KAT14: variants seen among roughly 807,000 people sequenced by gnomAD.
KAT14 encodes cysteine-rich protein 2-binding protein.
Under a neutral mutation model 78.4 loss-of-function variants are expected in KAT14, and 66 were observed. The ratio of observed to expected loss-of-function variants is 0.84; its 90% CI spans 0.69 to 1.03. KAT14 has a LOEUF of 1.03. KAT14 is among the 50% of genes least tolerant of loss of function. The pLI is 0.00. For missense variants in KAT14, 870 were observed against 972.5 expected (o/e 0.89, Z 1.40); for synonymous variants, 344 against 359.4 (o/e 0.96, Z 0.48).
At chr20:18,151,025 C>T in intron 4 of KAT14, 83 bp downstream of exon 4, 1 of 1,521,878 alleles carries the variant, frequency 6.6e-7, no homozygotes, top group South Asian at 1.2e-5. Context: ...CTAATGTAGA[C>T]TTGTTAGAGA....
At chr20:18,159,861 A>G (rs1449822474) in intron 5 of KAT14, among the ~76,000 whole-genome samples, 1 of 152,210 alleles carries the variant, frequency 6.6e-6, no homozygotes, top group Non-Finnish European at 1.5e-5. Context: ...ATCTGGTTTT[A>G]TAATCTAAAA....
chr20:18,145,240 G>A lies in KAT14; in HGVS notation c.267G>A (p.Leu89=). ...KCQKWIPASQ[L]REQLSYLKGD... ...TTTTTGTTTTTCTCCTAGGTCAGCT[G>A]AGGGAACAGCTCAGTTACCTTAAGG... Residue 89 remains leucine (L), a synonymous_variant, in exon 3 of 11, where the codon CTG becomes CTA. Coordinates refer to ENST00000688188, the MANE Select transcript of KAT14 (RefSeq NM_001392073.1). 6.2e-7 allele frequency: 1 copy of A among 1,614,016 alleles called. No individual in the cohort carries two copies. The highest frequency in any genetic ancestry group is 8.5e-7 in the Non-Finnish European group (1 of 1,179,980).
intron 4 of KAT14, among the ~76,000 whole-genome samples, chr20:18,158,413 T>C (rs190818579): frequency 1.3e-5 from 2 of 152,366 alleles, no homozygotes; most frequent in East Asian, 3.9e-4. Flanking sequence ...TTCCGGGGAT[T>C]GATGTATCTT....
intron 10 of KAT14, among the ~76,000 whole-genome samples, chr20:18,186,441 T>C (rs2039456586): frequency 6.6e-6 from 1 of 152,154 alleles, no homozygotes; most frequent in Non-Finnish European, 1.5e-5. Context: ...TGGATACACA[T>C]GGAAGTTAAG....
At position 18,183,310 on chromosome 20, in the gene KAT14, CT is replaced by C; in HGVS notation, c.1981+13del. On this transcript the variant is annotated intron_variant, in intron 9 of 10. Transcript: ENST00000688188. ...GTTTTTTTGGCCTGGTATGTTCCCC[CT>C]CCCAAACCAGGCAGGTCATTTTTCT... The C allele has an allele frequency of 5.6e-6, 9 of 1,608,554 alleles. No homozygotes were observed. Among genetic ancestry groups the C allele is most frequent in the Non-Finnish European group, 7.7e-6 (9 of 1,176,266 alleles).
upstream of KAT14, among the ~76,000 whole-genome samples, chr20:18,137,172 G>T (rs2037334945): frequency 6.6e-6 from 1 of 152,092 alleles, no homozygotes; most frequent in Non-Finnish European, 1.5e-5. Flanking sequence ...GGTGGCTCAC[G>T]CCTGTAATCC....
At chr20:18,172,978 G>T (rs1302160541) in intron 7 of KAT14, among the ~76,000 whole-genome samples, 2 of 152,164 alleles carry the variant, frequency 1.3e-5, no homozygotes, top group East Asian at 3.9e-4. Context: ...TCTCCGGTCA[G>T]CTGGGACAGG....
chr20:18,156,559 AC>A (rs1208427346), intron 4 of KAT14, among the ~76,000 whole-genome samples: 3 of 152,190 alleles, frequency 2.0e-5, no homozygotes, highest in Non-Finnish European at 4.4e-5. Flanking sequence ...TGATGCTGTA[AC>A]ACAAACTGGA....
chr20:18,161,674 C>T (rs540924280), intron 5 of KAT14, 149 bp from the exon 6 acceptor site: 39 of 1,144,330 alleles, frequency 3.4e-5, no homozygotes, highest in East Asian at 2.6e-4. Flanking sequence ...TGCAGCATTT[C>T]GGATTTTGTA....
intron 7 of KAT14, among the ~76,000 whole-genome samples, chr20:18,178,455 T>C (rs1443630048): frequency 6.6e-6 from 1 of 151,942 alleles, no homozygotes; most frequent in Non-Finnish European, 1.5e-5. Flanking sequence ...GAAAAAGAGG[T>C]TTAATTGGAC....
chr20:18,146,061 G>T (rs564583134), intron 3 of KAT14, among the ~76,000 whole-genome samples: 1 of 152,144 alleles, frequency 6.6e-6, no homozygotes, highest in Non-Finnish European at 1.5e-5. Flanking sequence ...ATTTTTGTTT[G>T]CTGAAATACT....
In KAT14 at chr20:18,187,286, A is replaced by G. The variant is rs769486744; in HGVS notation, c.2173A>G (p.Thr725Ala). 6.3e-7 allele frequency: 1 copy of G among 1,598,978 alleles called. No individual in the cohort carries two copies. Among genetic ancestry groups the G allele is most frequent in the Non-Finnish European group, 8.5e-7 (1 of 1,176,024 alleles). ...ATFMIYHLIQ[T>A]CMGKDVTLHV... ...TTGTATTTTTCCACTCTTTTGGCAGACCTGCATGGGCAAGGACGTAACCCT... is the reference window on the plus strand; with the variant it reads ...TTGTATTTTTCCACTCTTTTGGCAGGCCTGCATGGGCAAGGACGTAACCCT... Residue 725 changes from threonine (T) to alanine (A), a missense_variant and splice_region_variant, in exon 11 of 11, where the codon ACC (threonine) becomes GCC (alanine). Coordinates refer to ENST00000688188, the MANE Select transcript of KAT14 (RefSeq NM_001392073.1).
chr20:18,138,050 A>C lies in KAT14; in HGVS notation c.-455A>C, dbSNP rs1257417286. 4.1e-6 allele frequency: 6 copies of C among 1,481,270 alleles called. No homozygotes were observed. The highest frequency in any genetic ancestry group is 1.5e-5 in the African/African-American group (1 of 68,256). The allele number at this position is 1,481,270 out of a possible 1,614,324, so 91.8% of individuals were successfully genotyped here. The stretch of plus-strand genomic sequence containing the variant: ...CATGTGAAGCAGCAGTGGGACCAGC[A>C]GGTCGGTGTCACGTGACCGTCTCTT... On this transcript the variant is annotated splice_region_variant and 5_prime_UTR_variant, in exon 1 of 11. Coordinates refer to ENST00000688188, the MANE Select transcript of KAT14 (RefSeq NM_001392073.1).
chr20:18,147,159 A>G (rs939410138), intron 3 of KAT14, among the ~76,000 whole-genome samples: 9 of 152,232 alleles, frequency 5.9e-5, no homozygotes, highest in African/African-American at 1.9e-4. Context: ...GCCTTCGTCT[A>G]TTATCTTAAT....
At chr20:18,146,259 C>G (rs2037821301) in intron 3 of KAT14, among the ~76,000 whole-genome samples, 1 of 152,148 alleles carries the variant, frequency 6.6e-6, no homozygotes, top group South Asian at 2.1e-4. Context: ...CCAGATGAAA[C>G]CAGACATGGT....
Position 18,183,288 on chromosome 20 carries a change from T to C in KAT14, c.1971T>C (p.Phe657=). The C allele has an allele frequency of 6.2e-7, 1 of 1,613,604 alleles. No homozygotes were observed. The highest frequency in any genetic ancestry group is 8.5e-7 in the Non-Finnish European group (1 of 1,179,722). ...CGATCAACTCCATGTGTCAGGAGTTTTTTTGGCCTGGTATGTTCCCCCTCC... is the reference window on the plus strand; with the variant it reads ...CGATCAACTCCATGTGTCAGGAGTTCTTTTGGCCTGGTATGTTCCCCCTCC... The part of the protein sequence containing the change: ...IPTINSMCQE[F]FWPGIDLSEC... Residue 657 remains phenylalanine (F), a synonymous_variant, in exon 9 of 11, where the codon TTT becomes TTC. Transcript: ENST00000688188.
chr20:18,150,758 C>G, intron 3 of KAT14, 63 bp from the exon 4 acceptor site: 1 of 1,602,740 alleles, frequency 6.2e-7, no homozygotes, highest in Non-Finnish European at 8.5e-7. Context: ...AAGCTTTTCC[C>G]CCCTCAAGAT....
At chr20:18,173,151 C>CAG (rs2038910579) in intron 7 of KAT14, among the ~76,000 whole-genome samples, 1 of 152,224 alleles carries the variant, frequency 6.6e-6, no homozygotes, top group African/African-American at 2.4e-5. Flanking sequence ...CTTTTCCCCT[C>CAG]CTCCATCTGG....
At chr20:18,163,090 T>C in intron 7 of KAT14, 145 bp downstream of exon 7, 1 of 1,101,566 alleles carries the variant, frequency 9.1e-7, no homozygotes. Flanking sequence ...GGGAAAAAAA[T>C]ACAAAAATCG....
Sources: gnomAD v4.1 joint callset for allele counts (sites outside exome capture counted in the v4.1 genomes callset) on GRCh38, gnomAD v4.1.1 for gene constraint, MANE v1.5 for transcripts, NCBI Gene and HGNC (gene_info 2026-07-23, HGNC 2026-07-21) for gene names.